TTLL4: variants seen among roughly 807,000 people sequenced by gnomAD.
TTLL4 encodes the protein tubulin monoglutamylase TTLL4.
A neutral mutation model predicts 122.7 loss-of-function variants in TTLL4; 85 were observed. The observed-to-expected ratio is 0.69, with a 90% CI of 0.58 to 0.83. TTLL4 has a LOEUF of 0.83. TTLL4 is among the 40% of genes least tolerant of loss of function. The pLI is 0.00. For synonymous variants in TTLL4, 553 were observed against 563.0 expected, an observed-to-expected ratio of 0.98 and a Z score of 0.25; for missense variants, 1,363 against 1,488.6, an observed-to-expected ratio of 0.92 and a Z score of 1.39.
chr2:218,754,251 C>T lies in TTLL4; in HGVS notation c.3462C>T (p.Asp1154=), dbSNP rs773441774. ...CCCAGAAACCCAGTTCCTCAAAGGA[C>T]AGTGAGGACACCAGCAAAGAGCCCA... ...PYPQKPSSSK[D]SEDTSKEPSL... Residue 1154 remains aspartate, a synonymous_variant, in exon 20 of 20, where the codon GAC becomes GAT. Transcript: ENST00000392102. 6.2e-6 allele frequency: 10 copies of T among 1,614,200 alleles called. No homozygotes were observed. The highest frequency in any genetic ancestry group is 6.8e-6 in the Non-Finnish European group (8 of 1,180,038).
chr2:218,745,416 T>C, intron 6 of TTLL4, 183 bp downstream of exon 6: 1 of 751,818 alleles, frequency 1.3e-6, no homozygotes, highest in Non-Finnish European at 2.1e-6. Flanking sequence ...GTCTGTCCTT[T>C]AGCTGACCCT....
intron 1 of TTLL4, among the ~76,000 whole-genome samples, chr2:218,721,713 C>T (rs1177870292): frequency 6.6e-6 from 1 of 152,146 alleles, no homozygotes; most frequent in African/African-American, 2.4e-5. Context: ...ATTTAATGAG[C>T]CCTGATTACC....
At chr2:218,714,044 A>C (rs1301691860) in intron 1 of TTLL4, among the ~76,000 whole-genome samples, 2 of 152,202 alleles carry the variant, frequency 1.3e-5, no homozygotes, top group Non-Finnish European at 2.9e-5. Context: ...GGAGCTCACA[A>C]GAGAGGCCTG....
chr2:218,721,976 A>T (rs762123666), intron 1 of TTLL4, among the ~76,000 whole-genome samples: 1 of 152,104 alleles, frequency 6.6e-6, no homozygotes, highest in African/African-American at 2.4e-5. Context: ...AAAAAAAATT[A>T]AAAAACTCAG....
At chr2:218,719,455 T>C (rs1311454676) in intron 1 of TTLL4, among the ~76,000 whole-genome samples, 1 of 151,916 alleles carries the variant, frequency 6.6e-6, no homozygotes, top group East Asian at 1.9e-4. Flanking sequence ...GGAAGAAGCT[T>C]AGTGGAGTAA....
chr2:218,746,221 A>T lies in TTLL4; in HGVS notation c.1964A>T (p.Glu655Val). The T allele has an allele frequency of 6.2e-7, 1 of 1,613,452 alleles. No individual in the cohort carries two copies. The highest frequency in any genetic ancestry group is 8.5e-7 in the Non-Finnish European group (1 of 1,179,940). Residue 655 changes from glutamate (E) to valine (V), a missense_variant, in exon 8 of 20, where the codon GAG becomes GTG. Transcript: ENST00000392102. The stretch of plus-strand genomic sequence containing the variant: ...TCTCCTAGTTTCCGATCCATTCGAG[A>T]GCATCAGAAGGTAGGGGTCCTTTCT... ...MKSPSFRSIR[E>V]HQKLNHFPGS...
rs778271030 is a variant in TTLL4, at chr2:218,747,710, G to A, written c.2363G>A (p.Arg788His). The change falls in exon 11 of 20, where the codon CGC becomes CAC. Residue 788 changes from arginine to histidine, a missense_variant. This residue lies in a region of TTLL4 where 596 missense variants were observed against 655.8 expected (regional missense o/e 0.91). Transcript: ENST00000392102. The surrounding 1 kb of genome is among the most constrained non-coding windows in gnomAD (Gnocchi z 4.7). ...TACCTCTTTTCAGATGGACTGGTCCGCTTTGCCAGTTGCAAGTATGTGACA... is the reference window on the plus strand; with the variant it reads ...TACCTCTTTTCAGATGGACTGGTCCACTTTGCCAGTTGCAAGTATGTGACA... ...RIYLFSDGLV[R>H]FASCKYSPSM... 2 of 1,614,194 alleles carry A rather than the reference G, an allele frequency of 1.2e-6. No homozygotes were observed. Among genetic ancestry groups the A allele is most frequent in the Non-Finnish European group, 1.7e-6 (2 of 1,180,036 alleles).
chr2:218,731,221 G>A (rs1336125811), intron 2 of TTLL4, among the ~76,000 whole-genome samples: 1 of 152,040 alleles, frequency 6.6e-6, no homozygotes, highest in Non-Finnish European at 1.5e-5. Flanking sequence ...GGCCAGCCTA[G>A]TCAACATAGT....
chr2:218,720,270 G>A (rs751110160), intron 1 of TTLL4, among the ~76,000 whole-genome samples: 4 of 152,138 alleles, frequency 2.6e-5, no homozygotes, highest in Non-Finnish European at 5.9e-5. Flanking sequence ...TGATGTGGGG[G>A]AGGATGAAAG....
intron 1 of TTLL4, among the ~76,000 whole-genome samples, chr2:218,717,893 G>A (rs898267858): frequency 2.0e-5 from 3 of 152,174 alleles, no homozygotes; most frequent in Admixed American, 2.0e-4. Context: ...CCGCCTCCCG[G>A]GTTCAGGCCA....
At position 218,747,450 on chromosome 2, in the gene TTLL4, C is replaced by G. The variant is rs1003325782; in HGVS notation, c.2249+78C>G. On this transcript the variant is annotated intron_variant, in intron 10 of 19. Transcript: ENST00000392102. This position sits in a 1 kb window ranked among gnomAD's most constrained non-coding sequence, Gnocchi z 4.7. The stretch of plus-strand genomic sequence containing the variant: ...AGGTTCCCTTCTTACAATGTTCTGC[C>G]CTTTGTTCTCCCAGCCAAAGAGCTT... 2 of 1,573,500 alleles carry G rather than the reference C, an allele frequency of 1.3e-6. No individual in the cohort carries two copies. The highest frequency in any genetic ancestry group is 2.7e-5 in the African/African-American group (2 of 73,604).
rs999595884 is a variant in TTLL4 at position 218,755,085 on chromosome 2, C to G, written c.*696C>G. 2 of 152,446 alleles carry G rather than the reference C, an allele frequency of 1.3e-5. No homozygotes were observed. Among genetic ancestry groups the G allele is most frequent in the African/African-American group, 4.8e-5 (2 of 41,442 alleles). The allele number at this position is 152,446 out of a possible 1,614,324, so 9.4% of individuals were successfully genotyped here. A position where few individuals can be genotyped will look rare whatever the true frequency, so the allele number is the denominator to read the frequency against. On this transcript the variant is annotated 3_prime_UTR_variant, in exon 20 of 20. Transcript: ENST00000392102. ...TCTGTTCTTTAGCTGTTGGCTTTCTCTGAGGTGTGAGAGGGTCTATGAACT... is the reference window on the plus strand; with the variant it reads ...TCTGTTCTTTAGCTGTTGGCTTTCTGTGAGGTGTGAGAGGGTCTATGAACT...
intron 2 of TTLL4, among the ~76,000 whole-genome samples, chr2:218,737,373 C>G (rs1047048349): frequency 1.3e-5 from 2 of 152,084 alleles, no homozygotes; most frequent in Admixed American, 6.5e-5. Context: ...CGTAATGAAG[C>G]CAGCTTTGAT....
chr2:218,750,015 C>T lies in TTLL4; in HGVS notation c.2742C>T (p.His914=), dbSNP rs1323329795. The change falls in exon 15 of 20, where the codon CAC becomes CAT. Residue 914 remains histidine (H), a synonymous_variant. Coordinates refer to ENST00000392102, the MANE Select transcript of TTLL4 (RefSeq NM_014640.5). Reference sequence around the variant, plus strand: ...TTTTATCCTTTTTCTGAAGCCTCCACTCCAGCTCTCCACTGGATATCAGCA... The same window carrying T: ...TTTTATCCTTTTTCTGAAGCCTCCATTCCAGCTCTCCACTGGATATCAGCA... The part of the protein sequence containing the change: ...VLEVNISPSL[H]SSSPLDISIK... The T allele has an allele frequency of 6.2e-7, 1 of 1,614,030 alleles. No individual in the cohort carries two copies. The highest frequency in any genetic ancestry group is 8.5e-7 in the Non-Finnish European group (1 of 1,179,968).
intron 6 of TTLL4, 30 bp from the exon 7 acceptor site, chr2:218,745,661 C>A (rs376609927): frequency 4.8e-6 from 7 of 1,447,728 alleles, no homozygotes; most frequent in Non-Finnish European, 6.7e-6. Flanking sequence ...TCTCCATCCC[C>A]CATCCCCACA....
chr2:218,738,678 T>G lies in TTLL4; in HGVS notation c.1002T>G (p.Ile334Met), dbSNP rs760162860. 7.1e-5 allele frequency: 115 copies of G among 1,614,210 alleles called. No homozygotes were observed. In the East Asian group the frequency reaches 2.4e-3, roughly 33 times the overall value. Residue 334 changes from isoleucine (I) to methionine (M), a missense_variant, in exon 3 of 20, where the codon ATT becomes ATG. This residue lies in a region of TTLL4 where 760 missense variants were observed against 808.4 expected (regional missense o/e 0.94). Transcript: ENST00000392102. ...ATTCCCAGGATCCAACTAAGGAGAT[T>G]CGGTTCACTGAGGCCGTGAGGAAAT... ...SSDSQDPTKE[I>M]RFTEAVRKLT...
chr2:218,744,897 TTAGG>T (rs1463904275), intron 5 of TTLL4, among the ~76,000 whole-genome samples: 1 of 152,224 alleles, frequency 6.6e-6, no homozygotes, highest in Non-Finnish European at 1.5e-5. Flanking sequence ...AACCTTGTCT[TTAGG>T]TGACATTTAA....
chr2:218,751,900 T>TTTTA, intron 16 of TTLL4, 94 bp downstream of exon 16: 1 of 655,510 alleles, frequency 1.5e-6, no homozygotes, highest in Non-Finnish European at 2.2e-6. Context: ...TTTTTTTTTC[T>TTTTA]TTTCTTTTTC....
chr2:218,718,839 G>T (rs1941946790), intron 1 of TTLL4, among the ~76,000 whole-genome samples: 1 of 152,122 alleles, frequency 6.6e-6, no homozygotes, highest in Admixed American at 6.5e-5. Flanking sequence ...CCTGAGAATG[G>T]GTGTTTTAAA....
Sources: allele counts gnomAD v4.1 joint callset (sites outside exome capture counted in the v4.1 genomes callset), GRCh38; gene constraint gnomAD v4.1.1; regional missense constraint gnomAD v4.1.1; non-coding constraint Gnocchi (gnomAD v3.1); transcripts MANE v1.5; gene names NCBI Gene and HGNC (gene_info 2026-07-23, HGNC 2026-07-21).